PGF: variants seen among roughly 807,000 people sequenced by gnomAD.
The protein encoded by PGF is placenta growth factor.
Under a neutral mutation model 25.3 loss-of-function variants are expected in PGF, and 11 were observed. That is an observed-to-expected ratio of 0.43 (90% CI 0.27 to 0.72). The LOEUF is 0.72. Among genes scored for constraint, PGF ranks in the 30% least tolerant of loss-of-function variants. The pLI, the probability that PGF is intolerant of heterozygous loss-of-function variation, is 0.18. For synonymous variants in PGF, 105 were observed against 97.9 expected (o/e 1.07, Z -0.43); for missense variants, 230 against 234.9 (o/e 0.98, Z 0.14).
In PGF at chr14:74,951,853, C is replaced by T. The variant is rs545159062; in HGVS notation, c.118+2051G>A. Among the ~76,000 whole-genome samples, 10 of 152,220 alleles carry T rather than the reference C, an allele frequency of 6.6e-5. No individual in the cohort carries two copies. The South Asian group carries it at 1.7e-3, about 25-fold the overall frequency. ...AAGGGCAATTCATCCCTGAAGGCCCCGCTATGGGTGTGTGGGAGAAACAAA... is the reference window on the plus strand; with the variant it reads ...AAGGGCAATTCATCCCTGAAGGCCCTGCTATGGGTGTGTGGGAGAAACAAA... On this transcript the variant is annotated intron_variant, in intron 2 of 6. Coordinates refer to ENST00000555567, the MANE Select transcript of PGF (RefSeq NM_002632.6).
chr14:74,944,165 T>A (rs986455644), intron 6 of PGF, among the ~76,000 whole-genome samples: 1 of 148,998 alleles, frequency 6.7e-6, no homozygotes, highest in Non-Finnish European at 1.5e-5. Flanking sequence ...TGCAGTGGCG[T>A]GATCTCGGCT....
intron 6 of PGF, chr14:74,945,123 G>A (rs987636929): frequency 6.6e-6 from 1 of 152,116 alleles, no homozygotes; most frequent in African/African-American, 2.4e-5. Context: ...GTTTCACCGT[G>A]TTGGTCAGGC....
intron 4 of PGF, chr14:74,946,694 G>GT: frequency 1.5e-6 from 1 of 680,440 alleles, no homozygotes; most frequent in Non-Finnish European, 2.7e-6. Context: ...ATCAAATTTG[G>GT]TTGTTTCTGT....
chr14:74,955,210 C>A lies in PGF; in HGVS notation c.33G>T (p.Leu11=). The change falls in exon 1 of 7, where the codon CTG becomes CTT. Residue 11 remains leucine, a synonymous_variant. Coordinates refer to ENST00000555567, the MANE Select transcript of PGF (RefSeq NM_002632.6). The surrounding 1 kb of genome is among the most constrained non-coding windows in gnomAD (Gnocchi z 4.1). ...GCAGCGCCAGCCCGGCCAGGAGCTG[C>A]AGGAAGCAAGGGAACAGCCTCATGA... MPVMRLFPCF[L]QLLAGLALPA... The A allele has an allele frequency of 6.7e-7, 1 of 1,489,404 alleles. No homozygotes were observed. The highest frequency in any genetic ancestry group is 9.0e-7 in the Non-Finnish European group (1 of 1,112,234). 92.3% of individuals were successfully genotyped at this position (1,489,404 alleles called of 1,614,324 possible).
chr14:74,949,264 C>A lies in PGF; in HGVS notation c.315+93G>T, dbSNP rs1214160692. The A allele has an allele frequency of 1.6e-5, 17 of 1,094,384 alleles. 1 individual carries two copies. The South Asian group carries it at 3.0e-4, about 20-fold the overall frequency. The allele number at this position is 1,094,384 out of a possible 1,614,324, so 67.8% of individuals were successfully genotyped here. ...TAGGAGCACTGGCCTGGGAGTCAGG[C>A]TCCAGCCCTGGGACCTGGGCCTATC... On this transcript the variant is annotated intron_variant, in intron 3 of 6. Transcript: ENST00000555567.
chr14:74,949,127 C>T (rs1471746696), intron 3 of PGF, among the ~76,000 whole-genome samples: 2 of 152,200 alleles, frequency 1.3e-5, no homozygotes, highest in Admixed American at 6.5e-5. Context: ...ACTAGACACC[C>T]TGAGTCTTGG....
chr14:74,948,783 C>T (rs574099780), intron 3 of PGF, among the ~76,000 whole-genome samples, 200 bp from the exon 4 acceptor site: 1 of 152,284 alleles, frequency 6.6e-6, no homozygotes, highest in African/African-American at 2.4e-5. Context: ...CCCTCCCTGC[C>T]CGGGAGCACT....
At position 74,942,709 on chromosome 14, in the gene PGF, C is replaced by T; in HGVS notation, c.510G>A (p.Arg170=). 6.2e-7 allele frequency: 1 copy of T among 1,612,128 alleles called. No homozygotes were observed. The highest frequency in any genetic ancestry group is 8.5e-7 in the Non-Finnish European group (1 of 1,179,230). ...CHLCGDAVPR[R] ...TCTCTCTCCTCCAAGGGGTGGGTTA[C>T]CTCCGGGGAACAGCATCGCCGCACC... is the stretch of plus-strand genomic sequence containing the variant. The change falls in exon 7 of 7, where the codon AGG becomes AGA. Residue 170 remains arginine, a synonymous_variant. Transcript: ENST00000555567.
At chr14:74,947,459 A>C (rs1456179384) in intron 4 of PGF, 2 of 152,558 alleles carry the variant, frequency 1.3e-5, no homozygotes, top group Non-Finnish European at 2.9e-5. Context: ...ATGGCCATGA[A>C]AGGTAGCCTG....
At chr14:74,952,066 TGC>T (rs1048904760) in intron 2 of PGF, among the ~76,000 whole-genome samples, 8 of 152,026 alleles carry the variant, frequency 5.3e-5, no homozygotes, top group African/African-American at 1.9e-4. Context: ...CCTCAGGCAC[TGC>T]CAGGGCTGGG....
At chr14:74,944,204 G>A (rs893970401) in intron 6 of PGF, among the ~76,000 whole-genome samples, 25 of 149,964 alleles carry the variant, frequency 1.7e-4, no homozygotes, top group East Asian at 7.9e-4. Context: ...CCGGGTTCAT[G>A]CCATTCTCCT....
rs1185641646 is a variant in PGF at position 74,955,164 on chromosome 14, T to G, written c.75+4A>C. ...GAGCCAGGCTAGGTGGGGGTAGCTC[T>G]TACCTGGGGGGGCACAGCAGGCAGC... On this transcript the variant is annotated splice_donor_region_variant and intron_variant, in intron 1 of 6. Transcript: ENST00000555567. The surrounding 1 kb of genome is among the most constrained non-coding windows in gnomAD (Gnocchi z 4.1). 2.1e-5 allele frequency: 31 copies of G among 1,459,134 alleles called. No individual in the cohort carries two copies. The highest frequency in any genetic ancestry group is 2.8e-5 in the Non-Finnish European group (31 of 1,094,156). The allele number at this position is 1,459,134 out of a possible 1,614,324, so 90.4% of individuals were successfully genotyped here. A position where few individuals can be genotyped will look rare whatever the true frequency, so the allele number is the denominator to read the frequency against.
chr14:74,955,198 G>C lies in PGF; in HGVS notation c.45C>G (p.Ala15=). ...GGGGCACAGCAGGCAGCGCCAGCCC[G>C]GCCAGGAGCTGCAGGAAGCAAGGGA... The part of the protein sequence containing the change: ...RLFPCFLQLL[A]GLALPAVPPQ... Residue 15 remains alanine, a synonymous_variant, in exon 1 of 7, where the codon GCC becomes GCG. Transcript: ENST00000555567. The surrounding 1 kb of genome is among the most constrained non-coding windows in gnomAD (Gnocchi z 4.1). 6.7e-7 allele frequency: 1 copy of C among 1,490,690 alleles called. No homozygotes were observed. The highest frequency in any genetic ancestry group is 1.4e-5 in the African/African-American group (1 of 70,304). The allele number at this position is 1,490,690 out of a possible 1,614,324, so 92.3% of individuals were successfully genotyped here. A position where few individuals can be genotyped will look rare whatever the true frequency, so the allele number is the denominator to read the frequency against.
At chr14:74,944,372 G>A (rs1251194911) in intron 6 of PGF, among the ~76,000 whole-genome samples, 4 of 151,880 alleles carry the variant, frequency 2.6e-5, no homozygotes, top group African/African-American at 4.8e-5. Flanking sequence ...AAAGTGCTGG[G>A]ATTACAGGTG....
At chr14:74,954,882 G>A (rs1412522966) in intron 1 of PGF, among the ~76,000 whole-genome samples, 1 of 152,118 alleles carries the variant, frequency 6.6e-6, no homozygotes, top group African/African-American at 2.4e-5. Flanking sequence ...GTGGACAGAT[G>A]CTTTTAGCAA....
chr14:74,948,177 G>T, intron 4 of PGF: 1 of 250,266 alleles, frequency 4.0e-6, no homozygotes, highest in East Asian at 7.5e-5. Flanking sequence ...GAGGCCCGTG[G>T]CAGCTGCCTC....
In PGF at chr14:74,950,059, T is replaced by C. The variant is rs1261289367; in HGVS notation, c.119-506A>G. Among the ~76,000 whole-genome samples the C allele has an allele frequency of 6.6e-6, 1 of 152,114 alleles. No homozygotes were observed. The highest frequency in any genetic ancestry group is 1.5e-5 in the Non-Finnish European group (1 of 68,028). ...TGGCAACCAAGACCACATCCAGCAA[T>C]GTGGCCCGACCCTCCTCTCCACTGA... On this transcript the variant is annotated intron_variant, in intron 2 of 6. Coordinates refer to ENST00000555567, the MANE Select transcript of PGF (RefSeq NM_002632.6). The surrounding 1 kb of genome is among the most constrained non-coding windows in gnomAD (Gnocchi z 4.1).
chr14:74,953,905 T>C lies in PGF; in HGVS notation c.117A>G (p.Glu39=). The change falls in exon 2 of 7, where the codon GAA becomes GAG. Residue 39 remains glutamate, a splice_region_variant and synonymous_variant. Transcript: ENST00000555567. The surrounding 1 kb of genome is among the most constrained non-coding windows in gnomAD (Gnocchi z 5.4). ...GTACCCCCAGCCTGGCCAGCTTACCTTCCACCTCTGACGAGCCGTTCCCAG... is the reference window on the plus strand; with the variant it reads ...GTACCCCCAGCCTGGCCAGCTTACCCTCCACCTCTGACGAGCCGTTCCCAG... ...LSAGNGSSEV[E]VVPFQEVWGR... 6.2e-7 allele frequency: 1 copy of C among 1,613,754 alleles called. No individual in the cohort carries two copies. Among genetic ancestry groups the C allele is most frequent in the Non-Finnish European group, 8.5e-7 (1 of 1,179,916 alleles).
In PGF at chr14:74,950,322, G is replaced by A. The variant is rs1011112803; in HGVS notation, c.119-769C>T. Among the ~76,000 whole-genome samples, 4 of 152,200 alleles carry A rather than the reference G, an allele frequency of 2.6e-5. No homozygotes were observed. Among genetic ancestry groups the A allele is most frequent in the Non-Finnish European group, 5.9e-5 (4 of 68,030 alleles). The stretch of plus-strand genomic sequence containing the variant: ...GCACTGCTTGGCCTCTGGCCTCAAG[G>A]GGTTGCCTTATCTCCGGCACTGCTT... On this transcript the variant is annotated intron_variant, in intron 2 of 6. Coordinates refer to ENST00000555567, the MANE Select transcript of PGF (RefSeq NM_002632.6). This position sits in a 1 kb window ranked among gnomAD's most constrained non-coding sequence, Gnocchi z 4.1.
Sources: allele counts gnomAD v4.1 joint callset (sites outside exome capture counted in the v4.1 genomes callset), GRCh38; gene constraint gnomAD v4.1.1; non-coding constraint Gnocchi (gnomAD v3.1); transcripts MANE v1.5; gene names NCBI Gene and HGNC (gene_info 2026-07-23, HGNC 2026-07-21).